The following NRK variants were observed in gnomAD, a reference collection of about 807,000 sequenced individuals.
NRK encodes the protein nik-related protein kinase.
Under a neutral mutation model 125.2 loss-of-function variants are expected in NRK, and 67 were observed. The observed-to-expected ratio is 0.54, with a 90% CI of 0.44 to 0.66. NRK has a LOEUF of 0.66. Among genes scored for constraint, NRK ranks in the 30% least tolerant of loss-of-function variants. The probability of loss-of-function intolerance (pLI) is 0.00; values close to 1 mark genes in which losing one functional copy is unlikely to be tolerated. For synonymous variants in NRK, 458 were observed against 429.0 expected (o/e 1.07, Z -0.84); for missense variants, 1,224 against 1,192.9 (o/e 1.03, Z -0.38).
chrX:105,881,339 A>G (rs1331131463), intron 3 of NRK, among the ~76,000 whole-genome samples: 1 of 111,587 alleles, frequency 9.0e-6, no homozygotes, highest in Non-Finnish European at 1.9e-5. Flanking sequence ...TTTTAACTTA[A>G]GAGACCTTGA....
At chrX:105,887,962 T>C (rs543523178) in intron 4 of NRK, among the ~76,000 whole-genome samples, 2 of 112,358 alleles carry the variant, frequency 1.8e-5, no homozygotes, top group South Asian at 7.4e-4. Context: ...GTATGTGAAT[T>C]ATATCTCAAT....
intron 21 of NRK, among the ~76,000 whole-genome samples, chrX:105,937,169 G>T (rs781371126): frequency 9.1e-6 from 1 of 109,542 alleles, no homozygotes; most frequent in South Asian, 3.9e-4. Context: ...GTATTTCATT[G>T]AAATTTGTTC....
At position 105,898,581 on chromosome X, in the gene NRK, C is replaced by A; in HGVS notation, c.581-3C>A. 1.7e-6 allele frequency: 2 copies of A among 1,191,300 alleles called. No homozygotes were observed. The highest frequency in any genetic ancestry group is 2.3e-6 in the Non-Finnish European group (2 of 884,339). ...TATTTTGACATATAATGATTTTTGG[C>A]AGTTGATTTTGGAGTGAGTGCCCAG... On this transcript the variant is annotated splice_polypyrimidine_tract_variant and splice_region_variant and intron_variant, in intron 7 of 28. Transcript: ENST00000243300.
chrX:105,823,744 T>C (rs747913462), intron 1 of NRK, among the ~76,000 whole-genome samples: 96 of 111,534 alleles, frequency 8.6e-4, no homozygotes, highest in African/African-American at 2.9e-3. Flanking sequence ...CTGGCTAATA[T>C]TGGATCCCAC....
At chrX:105,954,112 G>T (rs913513901) in intron 28 of NRK, among the ~76,000 whole-genome samples, 5 of 111,331 alleles carry the variant, frequency 4.5e-5, no homozygotes, top group Non-Finnish European at 9.4e-5. Flanking sequence ...ATTAATAACT[G>T]CTTTGGGAAC....
At position 105,934,301 on chromosome X, in the gene NRK, G is replaced by A; in HGVS notation, c.3356G>A (p.Gly1119Asp). The A allele has an allele frequency of 8.4e-7, 1 of 1,192,388 alleles. No homozygotes were observed. The highest frequency in any genetic ancestry group is 1.1e-6 in the Non-Finnish European group (1 of 883,937). ...GNEASNAIDS[G>D]AAPSAPDHES... ...GAGGCCTCAAATGCCATTGACTCAG[G>A]TGCTGCACCGTCAGCACCTGATCAT... Residue 1119 changes from glycine to aspartate, a missense_variant, in exon 20 of 29, where the codon GGT becomes GAT. By Grantham distance (94) the Gly-to-Asp change is moderately conservative. Transcript: ENST00000243300.
chrX:105,950,997 CA>C (rs2040889770), intron 27 of NRK, among the ~76,000 whole-genome samples: 1 of 108,960 alleles, frequency 9.2e-6, no homozygotes, highest in Admixed American at 9.9e-5. Context: ...ATTGCATCTG[CA>C]GAATCCTTCT....
At chrX:105,906,996 T>A (rs2040229580) in intron 11 of NRK, among the ~76,000 whole-genome samples, 1 of 111,418 alleles carries the variant, frequency 9.0e-6, no homozygotes, top group Non-Finnish European at 1.9e-5. Context: ...CTACAAGAGA[T>A]AAATGGATTT....
At chrX:105,904,588 T>A (rs1342378552) in intron 9 of NRK, among the ~76,000 whole-genome samples, 2 of 112,024 alleles carry the variant, frequency 1.8e-5, no homozygotes, top group African/African-American at 6.5e-5. Context: ...CACTTTTACT[T>A]GTAAGTTTCT....
chrX:105,870,601 C>T (rs1363023244), intron 2 of NRK, among the ~76,000 whole-genome samples: 7 of 111,907 alleles, frequency 6.3e-5, no homozygotes, highest in South Asian at 7.4e-4. Context: ...TTGTACAATT[C>T]GTCATTTGAG....
chrX:105,912,541 A>G, intron 13 of NRK, 107 bp from the exon 14 acceptor site: 1 of 223,741 alleles, frequency 4.5e-6, no homozygotes, highest in Non-Finnish European at 8.2e-6. Context: ...TTTAAATTAT[A>G]TATTATATAA....
intron 2 of NRK, among the ~76,000 whole-genome samples, chrX:105,837,638 TG>T (rs1454858693): frequency 9.0e-6 from 1 of 111,314 alleles, no homozygotes; most frequent in Non-Finnish European, 1.9e-5. Context: ...CTTGAAATTG[TG>T]GGTTCTATTT....
chrX:105,890,303 C>A (rs2040001195), intron 5 of NRK, among the ~76,000 whole-genome samples: 1 of 111,729 alleles, frequency 9.0e-6, no homozygotes, highest in Admixed American at 9.6e-5. Flanking sequence ...TGGTCAAGGT[C>A]ATTCAACAAG....
intron 1 of NRK, among the ~76,000 whole-genome samples, chrX:105,826,306 A>AT (rs1427305405): frequency 4.6e-5 from 4 of 86,939 alleles, no homozygotes; most frequent in East Asian, 6.8e-4. Flanking sequence ...TATATATAAT[A>AT]GATAATATAT....
chrX:105,870,476 C>T (rs1015455118), intron 2 of NRK, among the ~76,000 whole-genome samples: 8 of 111,762 alleles, frequency 7.2e-5, no homozygotes, highest in Non-Finnish European at 1.5e-4. Context: ...ATCTGGCTTG[C>T]CACATAGCAG....
chrX:105,830,551 C>T (rs1000827489), intron 1 of NRK, among the ~76,000 whole-genome samples: 2 of 109,899 alleles, frequency 1.8e-5, no homozygotes, highest in African/African-American at 6.6e-5. Flanking sequence ...GAGATTGTGA[C>T]ATGTCTATTA....
intron 19 of NRK, among the ~76,000 whole-genome samples, chrX:105,929,537 TACTC>T (rs1328405675): frequency 9.2e-6 from 1 of 108,906 alleles, no homozygotes; most frequent in Non-Finnish European, 1.9e-5. Flanking sequence ...TGTGAACACT[TACTC>T]CTGTCATTTC....
Position 105,924,945 on chromosome X carries a change from G to A in NRK, c.3226G>A (p.Gly1076Arg), listed in dbSNP as rs1233566198. Residue 1076 changes from glycine to arginine, a missense_variant, in exon 19 of 29, where the codon GGA becomes AGA. Coordinates refer to ENST00000243300, the MANE Select transcript of NRK (RefSeq NM_198465.4). Reference protein sequence around the residue: ...VRTSEESGALGLNGEENCSET... With the variant: ...VRTSEESGALRLNGEENCSET... Reference sequence around the variant, plus strand: ...AACCAGTGAAGAGAGTGGAGCCCTTGGACTCAATGGAGAAGAAAATTGCTC... The same window carrying A: ...AACCAGTGAAGAGAGTGGAGCCCTTAGACTCAATGGAGAAGAAAATTGCTC... 8.3e-7 allele frequency: 1 copy of A among 1,210,733 alleles called. No individual in the cohort carries two copies. The highest frequency in any genetic ancestry group is 1.1e-6 in the Non-Finnish European group (1 of 894,645).
chrX:105,879,552 AAG>A (rs1344224448), intron 2 of NRK, among the ~76,000 whole-genome samples: 2 of 111,015 alleles, frequency 1.8e-5, no homozygotes, highest in African/African-American at 3.3e-5. Context: ...TATTTTCAAT[AAG>A]AGAGAATTTT....
Sources: allele counts gnomAD v4.1 joint callset (sites outside exome capture counted in the v4.1 genomes callset), GRCh38; gene constraint gnomAD v4.1.1; transcripts MANE v1.5; gene names NCBI Gene and HGNC (gene_info 2026-07-23, HGNC 2026-07-21).